The following STAG1 variants were observed in gnomAD, a reference collection of about 807,000 sequenced individuals.
STAG1 encodes the protein STAG1 cohesin complex component, also known as cohesin subunit SA-1.
In STAG1, 26 loss-of-function variants were observed where a neutral mutation model predicts 170.9. The ratio of observed to expected loss-of-function variants is 0.15; its 90% CI spans 0.11 to 0.21. STAG1 has a LOEUF of 0.21. Among genes scored for constraint, STAG1 ranks in the 10% least tolerant of loss-of-function variants. The probability of loss-of-function intolerance (pLI) is 1.00; values close to 1 mark genes in which losing one functional copy is unlikely to be tolerated. For missense variants in STAG1, 964 were observed against 1,509.5 expected (o/e 0.64, Z 5.99); for synonymous variants, 514 against 497.7 (o/e 1.03, Z -0.44).
At chr3:136,671,299 G>GCACA (rs146540384) in intron 1 of STAG1, among the ~76,000 whole-genome samples, 37 of 151,498 alleles carry the variant, frequency 2.4e-4, no homozygotes, top group African/African-American at 8.2e-4. Flanking sequence ...TAAAAAGAAA[G>GCACA]CACACACACA....
intron 1 of STAG1, among the ~76,000 whole-genome samples, chr3:136,642,041 A>G (rs1576704319): frequency 6.6e-6 from 1 of 152,140 alleles, no homozygotes; most frequent in Non-Finnish European, 1.5e-5. Flanking sequence ...CTTTCTCCCC[A>G]AGGTTCAAAA....
chr3:136,388,847 A>G (rs2086933467), intron 22 of STAG1, among the ~76,000 whole-genome samples: 1 of 152,218 alleles, frequency 6.6e-6, no homozygotes, highest in Non-Finnish European at 1.5e-5. Flanking sequence ...TTTTTACTCA[A>G]ATAAATAACC....
chr3:136,573,956 G>C (rs1042795532), intron 4 of STAG1, among the ~76,000 whole-genome samples: 1 of 151,346 alleles, frequency 6.6e-6, no homozygotes, highest in African/African-American at 2.4e-5. Flanking sequence ...TGGCCCCAGA[G>C]TGAGACGCTG....
chr3:136,385,701 AGAG>A (rs1318991028), intron 22 of STAG1, among the ~76,000 whole-genome samples: 1 of 152,156 alleles, frequency 6.6e-6, no homozygotes, highest in Non-Finnish European at 1.5e-5. Flanking sequence ...AACCAAGATA[AGAG>A]GAGAAACCTC....
intron 23 of STAG1, among the ~76,000 whole-genome samples, chr3:136,374,282 C>A (rs1937500357): frequency 6.6e-6 from 1 of 150,558 alleles, no homozygotes; most frequent in South Asian, 2.1e-4. Context: ...TGTATTTATT[C>A]AAAAATAAAT....
At chr3:136,629,112 A>G (rs1039786771) in intron 2 of STAG1, among the ~76,000 whole-genome samples, 2 of 152,236 alleles carry the variant, frequency 1.3e-5, no homozygotes, top group African/African-American at 4.8e-5. Flanking sequence ...TCACTCACAA[A>G]GCATGATATA....
intron 4 of STAG1, among the ~76,000 whole-genome samples, chr3:136,582,030 T>C (rs1937601208): frequency 6.6e-6 from 1 of 152,170 alleles, no homozygotes. Flanking sequence ...GTAATAAACA[T>C]TATTTTAAAA....
At chr3:136,441,235 A>G (rs1167505331) in intron 15 of STAG1, among the ~76,000 whole-genome samples, 1 of 151,810 alleles carries the variant, frequency 6.6e-6, no homozygotes, top group Non-Finnish European at 1.5e-5. Flanking sequence ...GTTTTGCCAT[A>G]TTGGCGAGGC....
chr3:136,620,060 T>C (rs1313725866), intron 3 of STAG1, among the ~76,000 whole-genome samples: 1 of 151,902 alleles, frequency 6.6e-6, no homozygotes, highest in Non-Finnish European at 1.5e-5. Flanking sequence ...AGTGAGATCC[T>C]GTCTCAAAAG....
intron 23 of STAG1, among the ~76,000 whole-genome samples, chr3:136,371,594 A>G (rs1008157770): frequency 2.3e-4 from 35 of 152,166 alleles, no homozygotes; most frequent in African/African-American, 8.4e-4. Context: ...TTTTCCCAGC[A>G]CCATTTATTA....
rs764416117 is a variant in STAG1, at chr3:136,630,862, A to G, written c.29+8T>C. The stretch of plus-strand genomic sequence containing the variant: ...AAAATATAAAAAAAAGAAAATTACA[A>G]TACTTACTGTAACACTGGTAATTCT... On this transcript the variant is annotated splice_region_variant and intron_variant, in intron 2 of 33. Transcript: ENST00000383202. 1 of 1,540,956 alleles carries G rather than the reference A, an allele frequency of 6.5e-7. No homozygotes were observed. Among genetic ancestry groups the G allele is most frequent in the Non-Finnish European group, 8.8e-7 (1 of 1,140,634 alleles).
chr3:136,737,039 T>A, intron 1 of STAG1: 1 of 1,450,680 alleles, frequency 6.9e-7, no homozygotes, highest in Non-Finnish European at 9.7e-7. Context: ...TCTTCATCTG[T>A]AACTTCAGGA....
chr3:136,449,442 T>C (rs1414477941), intron 14 of STAG1, among the ~76,000 whole-genome samples: 1 of 151,984 alleles, frequency 6.6e-6, no homozygotes, highest in Admixed American at 6.6e-5. Flanking sequence ...ACACTTGTAG[T>C]CTCAGCTACT....
Position 136,336,984 on chromosome 3 carries a change from T to TAAAAC in STAG1, c.*1265_*1269dup, listed in dbSNP as rs1935704670. ...GAAGAGAGAGACTAAGTGGGGTTTT[T>TAAAAC]AAAACAATAGCAGCAAGTCATAAAA... On this transcript the variant is annotated 3_prime_UTR_variant, in exon 34 of 34. Coordinates refer to ENST00000383202, the MANE Select transcript of STAG1 (RefSeq NM_005862.3). The TAAAAC allele has an allele frequency of 1.3e-5, 2 of 152,180 alleles. No individual in the cohort carries two copies. The highest frequency in any genetic ancestry group is 2.9e-5 in the Non-Finnish European group (2 of 68,016). The allele number at this position is 152,180 out of a possible 1,614,324, so 9.4% of individuals were successfully genotyped here. A position where few individuals can be genotyped will look rare whatever the true frequency, so the allele number is the denominator to read the frequency against.
At chr3:136,487,308 C>T (rs1217670803) in intron 9 of STAG1, among the ~76,000 whole-genome samples, 1 of 152,200 alleles carries the variant, frequency 6.6e-6, no homozygotes, top group Non-Finnish European at 1.5e-5. Flanking sequence ...AAGACATCAT[C>T]TCACTCCTTT....
chr3:136,520,747 A>T (rs570503819), intron 7 of STAG1, among the ~76,000 whole-genome samples: 1 of 152,282 alleles, frequency 6.6e-6, no homozygotes, highest in South Asian at 2.1e-4. Context: ...AAGTTATTAT[A>T]GCACTAGGAA....
intron 5 of STAG1, among the ~76,000 whole-genome samples, chr3:136,567,068 CTA>C (rs933344572): frequency 1.3e-5 from 2 of 152,144 alleles, no homozygotes; most frequent in African/African-American, 4.8e-5. Context: ...GAGCAGTTAA[CTA>C]TGTGTAGATG....
intron 25 of STAG1, 87 bp from the exon 26 acceptor site, chr3:136,363,554 TGA>T: frequency 9.1e-6 from 3 of 329,770 alleles, no homozygotes; most frequent in Non-Finnish European, 5.0e-6. Flanking sequence ...CCTTTGAAAA[TGA>T]AAAAAAAAAA....
intron 2 of STAG1, 78 bp downstream of exon 2, chr3:136,630,792 G>A (rs1337191474): frequency 2.0e-6 from 2 of 997,140 alleles, no homozygotes; most frequent in East Asian, 5.2e-5. Context: ...TATCATCGAA[G>A]AGAGCATTTT....
Sources: gnomAD v4.1 joint callset for allele counts (sites outside exome capture counted in the v4.1 genomes callset) on GRCh38, gnomAD v4.1.1 for gene constraint, MANE v1.5 for transcripts, NCBI Gene and HGNC (gene_info 2026-07-23, HGNC 2026-07-21) for gene names.